Variants in CSGALNACT1 observed in about 807,000 individuals in gnomAD.
CSGALNACT1 encodes beta4GalNAcT-1.
In CSGALNACT1, 52 loss-of-function variants were observed where a neutral mutation model predicts 51.0. The ratio of observed to expected loss-of-function variants is 1.02; its 90% CI spans 0.82 to 1.29. CSGALNACT1 has a LOEUF of 1.29. Ranked by LOEUF, CSGALNACT1 falls within the 50% of genes most tolerant of loss-of-function variation. CSGALNACT1 has a pLI of 0.00. For missense variants in CSGALNACT1, 935 were observed against 679.2 expected (o/e 1.38, Z -4.19); for synonymous variants, 341 against 254.4 (o/e 1.34, Z -3.24).
chr8:19,406,226 A>C (rs1304416289), intron 9 of CSGALNACT1, among the ~76,000 whole-genome samples, 157 bp from the exon 9 acceptor site: 1 of 152,090 alleles, frequency 6.6e-6, no homozygotes, highest in Non-Finnish European at 1.5e-5. Context: ...CTGGGTCAGA[A>C]GCCCCGAGAA....
At chr8:19,517,859 G>A (rs575837010) in intron 3 of CSGALNACT1, among the ~76,000 whole-genome samples, 84 of 146,472 alleles carry the variant, frequency 5.7e-4, no homozygotes, top group African/African-American at 2.3e-3. Flanking sequence ...TGAGATTTGG[G>A]TGGAGACACA....
At position 19,438,644 on chromosome 8, in the gene CSGALNACT1, G is replaced by C. The variant is rs528467174; in HGVS notation, c.953+1186C>G. 4.6e-3 allele frequency among the ~76,000 whole-genome samples: 704 copies of C among 152,292 alleles called. 2 individuals carry two copies. Among genetic ancestry groups the C allele is most frequent in the Middle Eastern group, 0.017 (5 of 294 alleles). On this transcript the variant is annotated intron_variant, in intron 6 of 9. Coordinates refer to ENST00000454498, the Ensembl canonical transcript of CSGALNACT1. Reference sequence around the variant, plus strand: ...CTTTGTGAGTCACACAGTCTTTGTGGTGACTACTCAGCTGCACAGCTGTAG... The same window carrying C: ...CTTTGTGAGTCACACAGTCTTTGTGCTGACTACTCAGCTGCACAGCTGTAG...
intron 3 of CSGALNACT1, among the ~76,000 whole-genome samples, chr8:19,560,605 A>G (rs1457248225): frequency 6.6e-6 from 1 of 152,218 alleles, no homozygotes; most frequent in Admixed American, 6.5e-5. Flanking sequence ...CCGTGTGACC[A>G]CAAACAGGAA....
intron 1 of CSGALNACT1, among the ~76,000 whole-genome samples, chr8:19,644,298 C>A: frequency 6.6e-6 from 1 of 151,376 alleles, no homozygotes. Context: ...TCATATATTT[C>A]TGGATTTTCT....
intron 1 of CSGALNACT1, among the ~76,000 whole-genome samples, chr8:19,702,420 G>A (rs1415415817): frequency 1.3e-5 from 2 of 152,118 alleles, no homozygotes; most frequent in Non-Finnish European, 2.9e-5. Context: ...GCTGAGGCTG[G>A]AGGATCAATT....
At chr8:19,702,104 A>T (rs1290083614) in intron 1 of CSGALNACT1, among the ~76,000 whole-genome samples, 1 of 152,082 alleles carries the variant, frequency 6.6e-6, no homozygotes, top group Non-Finnish European at 1.5e-5. Context: ...TAGCCTCCTA[A>T]CAGATGCCCT....
chr8:19,548,537 TC>T (rs2087047707), intron 3 of CSGALNACT1, among the ~76,000 whole-genome samples: 1 of 152,200 alleles, frequency 6.6e-6, no homozygotes, highest in South Asian at 2.1e-4. Context: ...TTCCAAAAAC[TC>T]ACTGCTGTTA....
chr8:19,528,570 A>G (rs898126617), intron 3 of CSGALNACT1, among the ~76,000 whole-genome samples: 1 of 148,216 alleles, frequency 6.7e-6, no homozygotes. Flanking sequence ...AGATTTACTG[A>G]GATACCTTAT....
intron 3 of CSGALNACT1, among the ~76,000 whole-genome samples, chr8:19,551,763 G>C (rs1463964663): frequency 6.6e-6 from 1 of 152,060 alleles, no homozygotes; most frequent in Non-Finnish European, 1.5e-5. Context: ...AAAATTTGTT[G>C]ACATTCTCAC....
At chr8:19,440,274 T>C (rs1384527887) in intron 5 of CSGALNACT1, among the ~76,000 whole-genome samples, 1 of 152,162 alleles carries the variant, frequency 6.6e-6, no homozygotes, top group Non-Finnish European at 1.5e-5. Context: ...AAAAAGACTA[T>C]TTTAGACCAA....
intron 1 of CSGALNACT1, among the ~76,000 whole-genome samples, chr8:19,677,636 T>G (rs1343487800): frequency 6.6e-6 from 1 of 152,080 alleles, no homozygotes; most frequent in East Asian, 1.9e-4. Flanking sequence ...AGTTCAGATG[T>G]GGATAGGTTT....
chr8:19,691,387 G>A (rs1422441682), intron 1 of CSGALNACT1, among the ~76,000 whole-genome samples: 1 of 151,922 alleles, frequency 6.6e-6, no homozygotes, highest in Non-Finnish European at 1.5e-5. Context: ...GGACCAAAAG[G>A]GAAAATACCA....
intron 1 of CSGALNACT1, among the ~76,000 whole-genome samples, chr8:19,658,077 A>C (rs1202696894): frequency 1.3e-5 from 2 of 151,364 alleles, no homozygotes; most frequent in South Asian, 4.2e-4. Context: ...AAAAAAAAAA[A>C]AAAAAAAGTC....
chr8:19,722,980 C>T lies in CSGALNACT1; in HGVS notation c.-297+34870G>A, dbSNP rs544013273. Among the ~76,000 whole-genome samples the T allele has an allele frequency of 2.6e-5, 4 of 152,310 alleles. No homozygotes were observed. In the South Asian group the frequency reaches 6.2e-4, roughly 24 times the overall value. ...CTTGGCTGTCACTACTACCTGCCAC[C>T]GATCTTTATTCTAGGGACAAAGATT... is the stretch of plus-strand genomic sequence containing the variant. On this transcript the variant is annotated intron_variant, in intron 1 of 1. Coordinates refer to the CSGALNACT1 transcript ENST00000517494.
chr8:19,507,123 T>C (rs1029277134), intron 3 of CSGALNACT1, among the ~76,000 whole-genome samples: 1 of 152,098 alleles, frequency 6.6e-6, no homozygotes, highest in Non-Finnish European at 1.5e-5. Flanking sequence ...CCAGAAGGGA[T>C]CAGGGGACAA....
chr8:19,530,554 C>T (rs943116502), intron 3 of CSGALNACT1, among the ~76,000 whole-genome samples: 5 of 151,982 alleles, frequency 3.3e-5, no homozygotes, highest in Admixed American at 6.6e-5. Flanking sequence ...AATGTAAAAC[C>T]GATAGCACAG....
chr8:19,717,638 C>T (rs766676670), intron 1 of CSGALNACT1, among the ~76,000 whole-genome samples: 14 of 152,298 alleles, frequency 9.2e-5, no homozygotes, highest in Middle Eastern at 3.4e-3. Flanking sequence ...CTAATACGCC[C>T]TATTCGGGTC....
intron 4 of CSGALNACT1, among the ~76,000 whole-genome samples, chr8:19,465,813 T>C (rs1448262803): frequency 1.3e-5 from 2 of 152,000 alleles, no homozygotes; most frequent in Middle Eastern, 3.4e-3. Flanking sequence ...TGTGATACGC[T>C]TGTGTTAGCC....
chr8:19,420,230 A>C, intron 7 of CSGALNACT1, 110 bp downstream of exon 6: 1 of 1,018,228 alleles, frequency 9.8e-7, no homozygotes. Context: ...TTGAAGTAAA[A>C]CAGGCTGATT....
Sources: gnomAD v4.1 joint callset for allele counts (sites outside exome capture counted in the v4.1 genomes callset) on GRCh38, gnomAD v4.1.1 for gene constraint, MANE v1.5 for transcripts, NCBI Gene and HGNC (gene_info 2026-07-23, HGNC 2026-07-21) for gene names.